ING4: variants seen among roughly 807,000 people sequenced by gnomAD.
The protein encoded by ING4 is inhibitor of growth family member 4, also known as inhibitor of growth protein 4.
In ING4, 28 loss-of-function variants were observed where a neutral mutation model predicts 33.1. The observed-to-expected ratio is 0.85, with a 90% CI of 0.63 to 1.16. ING4 has a LOEUF of 1.16. Ranked by LOEUF, ING4 falls within the 50% of genes most tolerant of loss-of-function variation. The probability of loss-of-function intolerance (pLI) is 0.00; values close to 1 mark genes in which losing one functional copy is unlikely to be tolerated. For synonymous variants in ING4, 87 were observed against 104.4 expected, an observed-to-expected ratio of 0.83 and a Z score of 1.02; for missense variants, 247 against 314.7, an observed-to-expected ratio of 0.78 and a Z score of 1.63.
chr12:6,656,922 G>A (rs951224869), intron 1 of ING4, 124 bp from the exon 2 acceptor site: 11 of 577,854 alleles, frequency 1.9e-5, no homozygotes, highest in Admixed American at 3.6e-5. Context: ...GGGAGGCCAA[G>A]GGGGTGGATC....
In ING4 at chr12:6,651,280, C is replaced by A. The variant is rs778438080; in HGVS notation, c.707+44G>T. On this transcript the variant is annotated intron_variant, in intron 7 of 7. Transcript: ENST00000341550. The stretch of plus-strand genomic sequence containing the variant: ...GAAAAGTGAGTGAAAGGGAGAATGC[C>A]CTTGACCACTCAACTTAGGGACCCT... 3.1e-6 allele frequency: 5 copies of A among 1,613,642 alleles called. No homozygotes were observed. In the South Asian group the frequency reaches 5.5e-5, roughly 18 times the overall value.
chr12:6,651,261 T>C, intron 7 of ING4, 27 bp from the exon 8 acceptor site: 1 of 1,614,106 alleles, frequency 6.2e-7, no homozygotes, highest in East Asian at 2.2e-5. Flanking sequence ...GAGAGAAAAG[T>C]GAGTGAAAGG....
At position 6,652,416 on chromosome 12, in the gene ING4, C is replaced by A; in HGVS notation, c.500G>T (p.Ser167Ile). ...AQKKLKLVRT[S>I]PEYGMPSVTF... is the part of the protein sequence containing the mutation. ...CACTGAGGGCATCCCATACTCAGGA[C>A]TTCTGCATGCCAAGAGGAAGAGAAA... Residue 167 changes from serine to isoleucine, a missense_variant and splice_region_variant, in exon 6 of 8, where the codon AGT (serine) becomes ATT (isoleucine). Physicochemically the swap from Ser to Ile is moderately radical, Grantham distance 142. Around this residue, in one of 3 missense-constraint regions of ING4, gnomAD observed 198 missense variants for 221.2 expected, o/e 0.89. Transcript: ENST00000341550. The A allele has an allele frequency of 1.2e-6, 2 of 1,613,708 alleles. No individual in the cohort carries two copies. The highest frequency in any genetic ancestry group is 1.7e-6 in the Non-Finnish European group (2 of 1,179,774).
chr12:6,660,240 G>A (rs1327924737), intron 1 of ING4, among the ~76,000 whole-genome samples: 5 of 151,912 alleles, frequency 3.3e-5, no homozygotes, highest in African/African-American at 7.3e-5. Context: ...CAGGTAGATC[G>A]CTTGATCTCA....
chr12:6,655,290 C>T (rs1378883729), intron 2 of ING4, among the ~76,000 whole-genome samples: 8 of 152,192 alleles, frequency 5.3e-5, no homozygotes, highest in Non-Finnish European at 1.0e-4. Context: ...GAGACTCACC[C>T]GCCTCTGCCT....
chr12:6,651,291 C>A, intron 7 of ING4, 33 bp downstream of exon 7: 1 of 1,614,038 alleles, frequency 6.2e-7, no homozygotes, highest in Non-Finnish European at 8.5e-7. Flanking sequence ...CTTGACCACT[C>A]AACTTAGGGA....
At chr12:6,652,808 G>A (rs749111377) in intron 4 of ING4, 41 bp from the exon 5 acceptor site, 12 of 1,598,478 alleles carry the variant, frequency 7.5e-6, no homozygotes, top group African/African-American at 1.3e-5. Context: ...CAGGGAGACA[G>A]AAAGATGGGT....
intron 5 of ING4, 91 bp downstream of exon 5, chr12:6,652,571 A>G (rs193216862): frequency 7.2e-7 from 1 of 1,396,842 alleles, no homozygotes; most frequent in African/African-American, 1.4e-5. Flanking sequence ...GCGCAGACAT[A>G]TAGAAAGCGG....
Position 6,653,309 on chromosome 12 carries a change from T to C in ING4, c.197A>G (p.Lys66Arg), listed in dbSNP as rs774629147. Residue 66 changes from lysine to arginine, a missense_variant, in exon 3 of 8, where the codon AAA becomes AGA. Lys to Arg is a conservative substitution (Grantham distance 26). Around this residue, in one of 3 missense-constraint regions of ING4, gnomAD observed 198 missense variants for 221.2 expected, o/e 0.89. Coordinates refer to ENST00000341550, the MANE Select transcript of ING4 (RefSeq NM_016162.4). Reference protein sequence around the residue: ...LSSEEKLALLKQIQEAYGKCK... With the variant: ...LSSEEKLALLRQIQEAYGKCK... Reference sequence around the variant, plus strand: ...CTTGCCATAGGCTTCCTGGATCTGTTTGAGAAGGGCCAATTTTTCCTCGGA... The same window carrying C: ...CTTGCCATAGGCTTCCTGGATCTGTCTGAGAAGGGCCAATTTTTCCTCGGA... The C allele has an allele frequency of 6.2e-7, 1 of 1,614,168 alleles. No individual in the cohort carries two copies. The highest frequency in any genetic ancestry group is 1.1e-5 in the South Asian group (1 of 91,082).
At chr12:6,651,807 G>A (rs1371272986) in intron 6 of ING4, among the ~76,000 whole-genome samples, 1 of 150,626 alleles carries the variant, frequency 6.6e-6, no homozygotes, top group Admixed American at 6.6e-5. Flanking sequence ...CTCCCAAAGT[G>A]CTGGGATTAC....
At chr12:6,655,722 G>C in intron 2 of ING4, 4 of 542,380 alleles carry the variant, frequency 7.4e-6, no homozygotes, top group Non-Finnish European at 1.2e-5. Flanking sequence ...AGTAACTTAA[G>C]ACACAGCTTC....
chr12:6,658,012 T>C (rs1232182432), intron 1 of ING4, among the ~76,000 whole-genome samples: 1 of 150,782 alleles, frequency 6.6e-6, no homozygotes, highest in African/African-American at 2.4e-5. Context: ...CAGGCTGGAG[T>C]GCAGTGGCAC....
intron 1 of ING4, among the ~76,000 whole-genome samples, chr12:6,660,269 G>A (rs149715276): frequency 1.3e-5 from 2 of 152,018 alleles, no homozygotes; most frequent in African/African-American, 4.8e-5. Flanking sequence ...AGACCAGCCT[G>A]GGCAATATGG....
chr12:6,655,965 C>G (rs1039911053), intron 2 of ING4: 1 of 449,248 alleles, frequency 2.2e-6, no homozygotes, highest in African/African-American at 2.0e-5. Context: ...GCTTTTTTTT[C>G]TTTCCTCTTT....
intron 5 of ING4, 48 bp downstream of exon 5, chr12:6,652,614 G>T: frequency 6.5e-7 from 1 of 1,542,312 alleles, no homozygotes; most frequent in Non-Finnish European, 9.0e-7. Context: ...GTGGGGCACC[G>T]GGAGAGAAGA....
rs150675992 is a variant in ING4 at position 6,650,804 on chromosome 12, T to A, written c.*391A>T. 4.1e-3 allele frequency: 1,051 copies of A among 253,754 alleles called. 6 individuals carry two copies. Among genetic ancestry groups the A allele is most frequent in the Middle Eastern group, 8.3e-3 (6 of 720 alleles). 15.7% of individuals were successfully genotyped at this position (253,754 alleles called of 1,614,324 possible). A position where few individuals can be genotyped will look rare whatever the true frequency, so the allele number is the denominator to read the frequency against. On this transcript the variant is annotated 3_prime_UTR_variant, in exon 8 of 8. Transcript: ENST00000341550. ...GAAAAGTGTTGATCACACCTAGCCC[T>A]CACCACAGGAGGGGGAATGAAGAGG...
Position 6,653,270 on chromosome 12 carries a change from C to T in ING4, c.236G>A (p.Gly79Asp). Residue 79 changes from glycine (G) to aspartate (D), a missense_variant, in exon 3 of 8, where the codon GGT (glycine) becomes GAT (aspartate). Around this residue, in one of 3 missense-constraint regions of ING4, gnomAD observed 198 missense variants for 221.2 expected, o/e 0.89. Coordinates refer to ENST00000341550, the MANE Select transcript of ING4 (RefSeq NM_016162.4). ...CATGGCAAGCTGCACCTTGTCGTCA[C>T]CAAATTCCTTGCACTTGCCATAGGC... The part of the protein sequence containing the change: ...QEAYGKCKEF[G>D]DDKVQLAMQT... 1.2e-6 allele frequency: 2 copies of T among 1,614,156 alleles called. No individual in the cohort carries two copies. Among genetic ancestry groups the T allele is most frequent in the Non-Finnish European group, 1.7e-6 (2 of 1,180,038 alleles).
At chr12:6,660,784 C>T (rs1045489069) in intron 1 of ING4, among the ~76,000 whole-genome samples, 1 of 152,158 alleles carries the variant, frequency 6.6e-6, no homozygotes, top group Middle Eastern at 3.2e-3. Flanking sequence ...ATCTCTGCAG[C>T]AGTTGGCATG....
Position 6,652,732 on chromosome 12 carries a change from G to A in ING4, c.427C>T (p.Arg143Cys), listed in dbSNP as rs1373613788. The change falls in exon 5 of 8, where the codon CGT (arginine) becomes TGT (cysteine). Residue 143 changes from arginine to cysteine, a missense_variant. This residue lies in a region of ING4 where 198 missense variants were observed against 221.2 expected (regional missense o/e 0.89). Transcript: ENST00000341550. ...TQKEKKAARA[R>C]SKGKNSDEEA... ...TCATCCGAGTTTTTCCCTTTGGAACGAGCACGAGCAGCTTTCTTCTCCTTT... is the reference window on the plus strand; with the variant it reads ...TCATCCGAGTTTTTCCCTTTGGAACAAGCACGAGCAGCTTTCTTCTCCTTT... The A allele has an allele frequency of 6.2e-7, 1 of 1,614,132 alleles. No homozygotes were observed. Among genetic ancestry groups the A allele is most frequent in the Admixed American group, 1.7e-5 (1 of 60,022 alleles).
Sources: allele counts gnomAD v4.1 joint callset (sites outside exome capture counted in the v4.1 genomes callset), GRCh38; gene constraint gnomAD v4.1.1; regional missense constraint gnomAD v4.1.1; transcripts MANE v1.5; gene names NCBI Gene and HGNC (gene_info 2026-07-23, HGNC 2026-07-21).